The following VPS13C variants were observed in gnomAD, a reference collection of about 807,000 sequenced individuals.
VPS13C encodes the protein vacuolar protein sorting 13 homolog C.
A neutral mutation model predicts 456.8 loss-of-function variants in VPS13C; 358 were observed. The ratio of observed to expected loss-of-function variants is 0.78; its 90% CI spans 0.72 to 0.86. VPS13C has a LOEUF of 0.86. VPS13C is among the 40% of genes least tolerant of loss of function. VPS13C has a pLI of 0.00. For missense variants in VPS13C, 4,818 were observed against 4,385.4 expected (o/e 1.10, Z -2.79); for synonymous variants, 1,578 against 1,486.7 (o/e 1.06, Z -1.41).
chr15:61,952,324 C>T (rs1180656444), intron 38 of VPS13C, among the ~76,000 whole-genome samples: 4 of 152,112 alleles, frequency 2.6e-5, no homozygotes, highest in Admixed American at 2.6e-4. Flanking sequence ...CCTCTACCTA[C>T]CAGTTGTCAT....
chr15:62,029,527 A>G (rs1167017901), intron 5 of VPS13C, among the ~76,000 whole-genome samples: 1 of 152,012 alleles, frequency 6.6e-6, no homozygotes, highest in Non-Finnish European at 1.5e-5. Flanking sequence ...ACACCTTCAT[A>G]GTGTCTACCC....
At chr15:62,009,942 C>A (rs529122776) in intron 13 of VPS13C, among the ~76,000 whole-genome samples, 7 of 152,296 alleles carry the variant, frequency 4.6e-5, no homozygotes, top group African/African-American at 1.7e-4. Context: ...AATCCCAGCA[C>A]TCTGGGAGGC....
chr15:61,880,877 G>A lies in VPS13C; in HGVS notation c.9854C>T (p.Thr3285Ile). 2 of 1,609,416 alleles carry A rather than the reference G, an allele frequency of 1.2e-6. No homozygotes were observed. The highest frequency in any genetic ancestry group is 1.7e-6 in the Non-Finnish European group (2 of 1,178,320). The change falls in exon 72 of 85, where the codon ACC becomes ATC. Residue 3285 changes from threonine (T) to isoleucine (I), a missense_variant. Around this residue, in one of 3 missense-constraint regions of VPS13C, gnomAD observed 4,552 missense variants for 4,130.6 expected, o/e 1.10. Coordinates refer to ENST00000644861, the MANE Select transcript of VPS13C (RefSeq NM_020821.3). ...TTCAGCTTCAGGGTCTGTTGTTGGG[G>A]TAAACAGTGCAATAATAGCTCCTAG... ...GFLGAIIALF[T>I]PTTDPEAERR...
chr15:61,966,878 GA>G (rs1222239123), intron 29 of VPS13C, among the ~76,000 whole-genome samples: 2 of 151,970 alleles, frequency 1.3e-5, no homozygotes, highest in Non-Finnish European at 2.9e-5. Context: ...AACACATCCA[GA>G]AGTATTCAAT....
intron 77 of VPS13C, among the ~76,000 whole-genome samples, chr15:61,874,465 G>A (rs1895265926): frequency 6.6e-6 from 1 of 151,876 alleles, no homozygotes; most frequent in East Asian, 1.9e-4. Context: ...ACAATCATGT[G>A]TCAATTAAAA....
intron 12 of VPS13C, among the ~76,000 whole-genome samples, chr15:62,011,368 G>T (rs2140509365): frequency 6.6e-6 from 1 of 151,996 alleles, no homozygotes; most frequent in East Asian, 1.9e-4. Flanking sequence ...GAACCTAAAT[G>T]ATTTCACAAA....
At chr15:61,896,374 G>A (rs2042812305) in intron 66 of VPS13C, among the ~76,000 whole-genome samples, 2 of 152,184 alleles carry the variant, frequency 1.3e-5, no homozygotes, top group Non-Finnish European at 2.9e-5. Context: ...CAGACAGTGG[G>A]CACAGGTCAG....
intron 9 of VPS13C, among the ~76,000 whole-genome samples, chr15:62,018,597 T>A (rs1355987766): frequency 6.6e-6 from 1 of 151,836 alleles, no homozygotes; most frequent in Non-Finnish European, 1.5e-5. Context: ...ATTTATTGAT[T>A]TGCGTATGTT....
chr15:61,909,008 G>A lies in VPS13C; in HGVS notation c.8962C>T (p.Leu2988Phe), dbSNP rs142626680. Residue 2988 changes from leucine to phenylalanine, a missense_variant, in exon 65 of 85, where the codon CTC (leucine) becomes TTC (phenylalanine). Physicochemically the swap from Leu to Phe is conservative, Grantham distance 22 (BLOSUM62 0). Coordinates refer to ENST00000644861, the MANE Select transcript of VPS13C (RefSeq NM_020821.3). ...TTCTCATACCTCTGTTTGTATGTGAGGATGTCCCATGGTGTATGGTTCATT... is the reference window on the plus strand; with the variant it reads ...TTCTCATACCTCTGTTTGTATGTGAAGATGTCCCATGGTGTATGGTTCATT... ...LIMNHTPWDI[L>F]TYKQSGSPEE... The A allele has an allele frequency of 7.4e-6, 12 of 1,613,520 alleles. No homozygotes were observed. The South Asian group carries it at 1.3e-4, about 18-fold the overall frequency.
chr15:61,853,475 C>T lies in VPS13C; in HGVS notation c.*982G>A, dbSNP rs1377744238. The T allele has an allele frequency of 6.6e-6, 1 of 152,026 alleles. No homozygotes were observed. Among genetic ancestry groups the T allele is most frequent in the Non-Finnish European group, 1.5e-5 (1 of 68,016 alleles). 9.4% of individuals were successfully genotyped at this position (152,026 alleles called of 1,614,324 possible). A position where few individuals can be genotyped will look rare whatever the true frequency, so the allele number is the denominator to read the frequency against. ...CCAAATTTTTATGAATGCTACATTA[C>T]AGAGGGCAGAGTGTAGCTATTTTAA... is the stretch of plus-strand genomic sequence containing the variant. On this transcript the variant is annotated 3_prime_UTR_variant, in exon 85 of 85. Coordinates refer to ENST00000644861, the MANE Select transcript of VPS13C (RefSeq NM_020821.3).
chr15:61,964,009 T>A, intron 31 of VPS13C, 58 bp from the exon 32 acceptor site: 1 of 1,139,416 alleles, frequency 8.8e-7, no homozygotes, highest in Admixed American at 2.0e-5. Flanking sequence ...TACATTCTTT[T>A]AAGGTTTATT....
intron 70 of VPS13C, 54 bp from the exon 71 acceptor site, chr15:61,881,686 C>T (rs942965662): frequency 1.9e-6 from 3 of 1,600,456 alleles, no homozygotes; most frequent in African/African-American, 2.7e-5. Context: ...CTAGGTTAAA[C>T]TAATGCCTAT....
chr15:61,999,466 T>A (rs2046520809), intron 16 of VPS13C, among the ~76,000 whole-genome samples: 1 of 152,068 alleles, frequency 6.6e-6, no homozygotes, highest in Non-Finnish European at 1.5e-5. Context: ...TAACGTTCAG[T>A]TTGTTCAAGG....
intron 15 of VPS13C, among the ~76,000 whole-genome samples, chr15:62,005,884 A>C (rs1436919275): frequency 6.6e-6 from 1 of 150,988 alleles, no homozygotes; most frequent in Non-Finnish European, 1.5e-5. Flanking sequence ...TTGTATTTTT[A>C]GTAGAGACGG....
In VPS13C at chr15:61,880,927, C is replaced by T; in HGVS notation, c.9804G>A (p.Met3268Ile). 17 of 1,608,450 alleles carry T rather than the reference C, an allele frequency of 1.1e-5. No individual in the cohort carries two copies. Among genetic ancestry groups the T allele is most frequent in the Non-Finnish European group, 1.4e-5 (17 of 1,177,570 alleles). The change falls in exon 72 of 85, where the codon ATG becomes ATA. Residue 3268 changes from methionine (M) to isoleucine (I), a missense_variant. Physicochemically the swap from Met to Ile is conservative, Grantham distance 10 (BLOSUM62 1). Transcript: ENST00000644861. ...GAAACCCTTGATCAATTTTTAAGGC[C>T]ATTTCCTGAATGAGGACCATAAAAT... ...FKYFMVLIQE[M>I]ALKIDQGFLG... is the part of the protein sequence containing the mutation.
In VPS13C at chr15:62,044,273, A is replaced by T. The variant is rs754570386; in HGVS notation, c.101-18T>A. The stretch of plus-strand genomic sequence containing the variant: ...CACATTTCCTTTAAAAAAAGAAAAC[A>T]AAGAAAAATATTACTATAACATACC... On this transcript the variant is annotated intron_variant, in intron 1 of 84. Transcript: ENST00000644861. The T allele has an allele frequency of 7.0e-7, 1 of 1,419,560 alleles. No individual in the cohort carries two copies. Among genetic ancestry groups the T allele is most frequent in the Non-Finnish European group, 9.7e-7 (1 of 1,028,754 alleles). The allele number at this position is 1,419,560 out of a possible 1,614,324, so 87.9% of individuals were successfully genotyped here. A position where few individuals can be genotyped will look rare whatever the true frequency, so the allele number is the denominator to read the frequency against.
At chr15:61,974,447 A>G in intron 24 of VPS13C, 30 bp from the exon 25 acceptor site, 2 of 1,606,808 alleles carry the variant, frequency 1.2e-6, no homozygotes, top group Non-Finnish European at 1.7e-6. Context: ...GTTTTAAGTC[A>G]GCATCTCTAC....
chr15:62,024,721 T>C (rs1448239749), intron 6 of VPS13C, among the ~76,000 whole-genome samples: 1 of 152,136 alleles, frequency 6.6e-6, no homozygotes, highest in East Asian at 1.9e-4. Context: ...GTTTACACAA[T>C]AAAGTCCTTT....
chr15:62,048,753 T>C lies in VPS13C; in HGVS notation c.101-4498A>G, dbSNP rs1192674683. Among the ~76,000 whole-genome samples the C allele has an allele frequency of 2.0e-5, 3 of 152,004 alleles. No homozygotes were observed. In the East Asian group the frequency reaches 5.8e-4, roughly 29 times the overall value. On this transcript the variant is annotated intron_variant, in intron 1 of 84. Coordinates refer to ENST00000644861, the MANE Select transcript of VPS13C (RefSeq NM_020821.3). Reference sequence around the variant, plus strand: ...AAAGTGTTCCTATTTCTCCACATCCTCTCCAGCACCTGTTGTTTCCTGACT... The same window carrying C: ...AAAGTGTTCCTATTTCTCCACATCCCCTCCAGCACCTGTTGTTTCCTGACT...
Sources: allele counts gnomAD v4.1 joint callset (sites outside exome capture counted in the v4.1 genomes callset), GRCh38; gene constraint gnomAD v4.1.1; regional missense constraint gnomAD v4.1.1; transcripts MANE v1.5; gene names NCBI Gene and HGNC (gene_info 2026-07-23, HGNC 2026-07-21).